SPIRE1: variants seen among roughly 807,000 people sequenced by gnomAD.
The protein encoded by SPIRE1 is protein spire homolog 1.
SPIRE1 carries 40 observed loss-of-function variants against 94.1 expected under a neutral mutation model. The observed-to-expected ratio is 0.43, with a 90% confidence interval of 0.33 to 0.55. The LOEUF (loss-of-function observed/expected upper bound fraction) is 0.55, where lower values mean the gene tolerates loss of function less well. Among genes scored for constraint, SPIRE1 ranks in the 20% least tolerant of loss-of-function variants. The pLI, the probability that SPIRE1 is intolerant of heterozygous loss-of-function variation, is 0.06. For missense variants in SPIRE1, 838 were observed against 975.2 expected, an observed-to-expected ratio of 0.86 and a Z score of 1.87; for synonymous variants, 376 against 371.7, an observed-to-expected ratio of 1.01 and a Z score of -0.13.
chr18:12,462,688 G>A (rs1424965295), intron 12 of SPIRE1, among the ~76,000 whole-genome samples: 1 of 152,036 alleles, frequency 6.6e-6, no homozygotes, highest in Non-Finnish European at 1.5e-5. Context: ...ATTCTCCCTC[G>A]CTTGTACTTC....
At chr18:12,461,575 A>ATACATATGTGTGGTAAGTACG (rs2031856152) in intron 12 of SPIRE1, among the ~76,000 whole-genome samples, 1 of 75,560 alleles carries the variant, frequency 1.3e-5, no homozygotes, top group African/African-American at 3.4e-5. Flanking sequence ...ATGTATGTAC[A>ATACATATGTGTGGTAAGTACG]TACATATGTA....
chr18:12,544,025 C>T (rs1175295979), intron 3 of SPIRE1, among the ~76,000 whole-genome samples: 1 of 152,142 alleles, frequency 6.6e-6, no homozygotes, highest in Non-Finnish European at 1.5e-5. Flanking sequence ...CTACATGGAA[C>T]ATTCAGAACA....
chr18:12,464,951 G>A lies in SPIRE1; in HGVS notation c.1412C>T (p.Thr471Met), dbSNP rs139795292. The A allele has an allele frequency of 7.4e-4, 1,197 of 1,613,754 alleles. 1 individual carries two copies. Among genetic ancestry groups the A allele is most frequent in the Non-Finnish European group, 9.7e-4 (1,149 of 1,179,922 alleles). ...GCTGCTGCTGGTCGACTTGTGCAGCGTTTCTTCCTGAGCAAAGTACAGGTG... is the reference window on the plus strand; with the variant it reads ...GCTGCTGCTGGTCGACTTGTGCAGCATTTCTTCCTGAGCAAAGTACAGGTG... ...ELDSSESEEE[T>M]LHKSTSSSSV... The change falls in exon 11 of 17, where the codon ACG (threonine) becomes ATG (methionine). Residue 471 changes from threonine to methionine, a missense_variant. Thr to Met is a moderately conservative substitution (Grantham distance 81). This residue lies in a region of SPIRE1 where 645 missense variants were observed against 804.7 expected (regional missense o/e 0.80). Transcript: ENST00000409402.
chr18:12,588,628 TC>T (rs2144574991), intron 2 of SPIRE1, among the ~76,000 whole-genome samples: 1 of 142,926 alleles, frequency 7.0e-6, no homozygotes, highest in East Asian at 2.0e-4. Context: ...AAAAAAAACC[TC>T]CGTGGACTTG....
At position 12,657,558 on chromosome 18, in the gene SPIRE1, G is replaced by T. The variant is rs1256859197; in HGVS notation, c.309C>A (p.Asp103Glu). ...CAACTGGGGGCGGCTCTCCCGCGTC[G>T]TCGGCCGCGGGCGCCAGGGTGACGG... ...DGAVTLAPAADDAGEPPPVAG... is the reference protein window; with the variant it reads ...DGAVTLAPAAEDAGEPPPVAG... The change falls in exon 1 of 17, where the codon GAC becomes GAA. Residue 103 changes from aspartate to glutamate, a missense_variant. Transcript: ENST00000409402. 2 of 1,235,608 alleles carry T rather than the reference G, an allele frequency of 1.6e-6. No individual in the cohort carries two copies. Among genetic ancestry groups the T allele is most frequent in the African/African-American group, 1.6e-5 (1 of 63,986 alleles). 76.5% of individuals were successfully genotyped at this position (1,235,608 alleles called of 1,614,324 possible).
chr18:12,464,794 G>C, intron 11 of SPIRE1, 74 bp downstream of exon 11: 1 of 1,235,072 alleles, frequency 8.1e-7, no homozygotes, highest in Middle Eastern at 1.9e-4. Context: ...GGGCGCTCTG[G>C]GATCTCTGCT....
At position 12,628,656 on chromosome 18, in the gene SPIRE1, C is replaced by T. The variant is rs145606094; in HGVS notation, c.372+6406G>A. Among the ~76,000 whole-genome samples, 219 of 152,232 alleles carry T rather than the reference C, an allele frequency of 1.4e-3. 1 individual carries two copies. The highest frequency in any genetic ancestry group is 4.9e-3 in the African/African-American group (205 of 41,536). On this transcript the variant is annotated intron_variant, in intron 2 of 16. Coordinates refer to ENST00000409402, the MANE Select transcript of SPIRE1 (RefSeq NM_001128626.2). Reference sequence around the variant, plus strand: ...ATCTTGGGCAGTATGGCCATTTTCACGATATTGATTCTTCCTATCCATAAG... The same window carrying T: ...ATCTTGGGCAGTATGGCCATTTTCATGATATTGATTCTTCCTATCCATAAG...
intron 4 of SPIRE1, 36 bp from the exon 5 acceptor site, chr18:12,512,567 T>C (rs1220666339): frequency 3.1e-6 from 4 of 1,289,968 alleles, no homozygotes; most frequent in Non-Finnish European, 3.3e-6. Context: ...AAACATTTCA[T>C]TAAGTTATCT....
Position 12,475,754 on chromosome 18 carries a change from G to A in SPIRE1, c.1404+3945C>T, listed in dbSNP as rs562873010. On this transcript the variant is annotated intron_variant, in intron 10 of 16. Transcript: ENST00000409402. ...ACATCTTTTCCAGTTTCATGCTTCT[G>A]GAGCAAAACTACCACGTTTTGGAAC... 2.6e-5 allele frequency among the ~76,000 whole-genome samples: 4 copies of A among 152,258 alleles called. No homozygotes were observed. In the South Asian group the frequency reaches 8.3e-4, roughly 32 times the overall value.
At chr18:12,537,174 C>A (rs1479828513) in intron 3 of SPIRE1, among the ~76,000 whole-genome samples, 1 of 152,162 alleles carries the variant, frequency 6.6e-6, no homozygotes, top group East Asian at 1.9e-4. Context: ...AAGCAGAAAT[C>A]TCACAAGTTT....
At chr18:12,459,999 G>A in intron 12 of SPIRE1, 1 of 713,066 alleles carries the variant, frequency 1.4e-6, no homozygotes, top group Non-Finnish European at 1.7e-6. Context: ...CTGAACACAA[G>A]TGACCTACAC....
chr18:12,608,381 T>C (rs191739739), intron 2 of SPIRE1, among the ~76,000 whole-genome samples: 19 of 152,350 alleles, frequency 1.2e-4, no homozygotes, highest in Non-Finnish European at 2.5e-4. Context: ...TTATTCCACA[T>C]AATCAATTAC....
intron 2 of SPIRE1, among the ~76,000 whole-genome samples, chr18:12,602,563 G>T (rs1304607724): frequency 6.6e-6 from 1 of 152,156 alleles, no homozygotes; most frequent in African/African-American, 2.4e-5. Context: ...CCACTTTAAA[G>T]AAATCAGTAA....
intron 2 of SPIRE1, among the ~76,000 whole-genome samples, chr18:12,561,855 A>T (rs575876583): frequency 5.8e-5 from 1 of 17,384 alleles, no homozygotes; most frequent in Non-Finnish European, 1.0e-4. Flanking sequence ...ACATAGTCTC[A>T]TATCAGTTCG....
chr18:12,615,345 A>AAAAAAAAAATATATATATAT, intron 2 of SPIRE1, among the ~76,000 whole-genome samples: 5 of 17,242 alleles, frequency 2.9e-4, no homozygotes, highest in Non-Finnish European at 5.6e-4. Flanking sequence ...AAAAAAAAAA[A>AAAAAAAAAATATATATATAT]ATATATATAT....
At chr18:12,594,422 A>G (rs2144604131) in intron 2 of SPIRE1, among the ~76,000 whole-genome samples, 1 of 152,328 alleles carries the variant, frequency 6.6e-6, no homozygotes, top group African/African-American at 2.4e-5. Flanking sequence ...AATATATTTG[A>G]TAACAGAAAA....
At chr18:12,470,733 G>T (rs545069043) in intron 10 of SPIRE1, among the ~76,000 whole-genome samples, 1 of 152,214 alleles carries the variant, frequency 6.6e-6, no homozygotes, top group South Asian at 2.1e-4. Context: ...CTTATCTGGG[G>T]AATTCTGATG....
intron 2 of SPIRE1, among the ~76,000 whole-genome samples, chr18:12,616,475 G>A (rs1012394691): frequency 2.6e-5 from 4 of 152,158 alleles, no homozygotes; most frequent in African/African-American, 7.2e-5. Flanking sequence ...TTTTACTTGC[G>A]GGTGGGTGGA....
At chr18:12,479,333 T>C (rs932006400) in intron 10 of SPIRE1, among the ~76,000 whole-genome samples, 1 of 151,934 alleles carries the variant, frequency 6.6e-6, no homozygotes, top group Non-Finnish European at 1.5e-5. Flanking sequence ...CACTACTGCA[T>C]GTGGCTAACT....
Sources: allele counts gnomAD v4.1 joint callset (sites outside exome capture counted in the v4.1 genomes callset), GRCh38; gene constraint gnomAD v4.1.1; regional missense constraint gnomAD v4.1.1; transcripts MANE v1.5; gene names NCBI Gene and HGNC (gene_info 2026-07-23, HGNC 2026-07-21).